CYLC2: variants seen among roughly 807,000 people sequenced by gnomAD.
CYLC2 encodes cylicin-2.
Under a neutral mutation model 26.1 loss-of-function variants are expected in CYLC2, and 30 were observed. The observed-to-expected ratio is 1.15, with a 90% CI of 0.86 to 1.56. The LOEUF is 1.56. CYLC2 is among the 40% of genes most tolerant of loss of function. CYLC2 has a pLI of 0.00. For synonymous variants in CYLC2, 158 were observed against 132.8 expected, an observed-to-expected ratio of 1.19 and a Z score of -1.31; for missense variants, 498 against 394.4, an observed-to-expected ratio of 1.26 and a Z score of -2.23.
intron 6 of CYLC2, among the ~76,000 whole-genome samples, chr9:103,013,166 A>ATAAATATATATTTAATATATTATG (rs1829429401): frequency 1.5e-5 from 2 of 135,956 alleles, no homozygotes; most frequent in Non-Finnish European, 3.1e-5. Context: ...TATATATTAT[A>ATAAATATATATTTAATATATTATG]TAAATATATA....
In CYLC2 at chr9:103,018,431, G is replaced by A. The variant is rs944450878; in HGVS notation, c.*997G>A. 2.6e-5 allele frequency: 4 copies of A among 151,776 alleles called. No individual in the cohort carries two copies. The highest frequency in any genetic ancestry group is 7.3e-5 in the African/African-American group (3 of 41,358). 9.4% of individuals were successfully genotyped at this position (151,776 alleles called of 1,614,324 possible). On this transcript the variant is annotated 3_prime_UTR_variant, in exon 8 of 8. Coordinates refer to ENST00000374798, the MANE Select transcript of CYLC2 (RefSeq NM_001340.5). Reference sequence around the variant, plus strand: ...AAAGTTGCTTGACAGCTCTAATTACGAATTGAACACATTAAACACCTGGTG... The same window carrying A: ...AAAGTTGCTTGACAGCTCTAATTACAAATTGAACACATTAAACACCTGGTG...
intron 6 of CYLC2, among the ~76,000 whole-genome samples, chr9:103,012,403 A>G (rs528507669): frequency 6.6e-6 from 1 of 152,062 alleles, no homozygotes; most frequent in Non-Finnish European, 1.5e-5. Context: ...CAGATAAAAT[A>G]ATTCCGGTGT....
chr9:103,014,602 AGT>A (rs1829471155), intron 6 of CYLC2, among the ~76,000 whole-genome samples: 3 of 144,586 alleles, frequency 2.1e-5, no homozygotes, highest in Admixed American at 7.0e-5. Context: ...TATATTATGC[AGT>A]ATACATCATA....
At chr9:102,999,990 T>G (rs1378877220) in intron 1 of CYLC2, among the ~76,000 whole-genome samples, 2 of 151,852 alleles carry the variant, frequency 1.3e-5, no homozygotes, top group East Asian at 3.8e-4. Flanking sequence ...GAAACATACT[T>G]ACTCCTCCTC....
intron 6 of CYLC2, among the ~76,000 whole-genome samples, chr9:103,015,143 TA>T (rs1829484424): frequency 5.1e-5 from 2 of 39,270 alleles, no homozygotes; most frequent in African/African-American, 1.9e-4. Context: ...ACATAACATG[TA>T]TATCACGTGA....
chr9:103,000,620 T>A (rs1587850302), intron 1 of CYLC2, among the ~76,000 whole-genome samples: 1 of 152,162 alleles, frequency 6.6e-6, no homozygotes, highest in African/African-American at 2.4e-5. Context: ...TACAAATTTT[T>A]ATAGCACGAA....
chr9:103,008,747 T>A (rs779783474), intron 5 of CYLC2, among the ~76,000 whole-genome samples: 18 of 152,186 alleles, frequency 1.2e-4, no homozygotes, highest in Non-Finnish European at 2.2e-4. Flanking sequence ...TCATTACATT[T>A]CTACCACTTC....
intron 6 of CYLC2, among the ~76,000 whole-genome samples, chr9:103,013,516 T>C (rs1183175003): frequency 1.8e-5 from 2 of 112,082 alleles, no homozygotes; most frequent in South Asian, 2.8e-4. Context: ...TTGTAAGAAA[T>C]AAATTATATT....
At position 103,005,683 on chromosome 9, in the gene CYLC2, T is replaced by G. The variant is rs936070852; in HGVS notation, c.*5T>G. 1.3e-6 allele frequency: 2 copies of G among 1,596,762 alleles called. No individual in the cohort carries two copies. Among genetic ancestry groups the G allele is most frequent in the Admixed American group, 3.6e-5 (2 of 56,014 alleles). On this transcript the variant is annotated 3_prime_UTR_variant, in exon 5 of 8. Transcript: ENST00000374798. The stretch of plus-strand genomic sequence containing the variant: ...GCAAAGAAGAAGGGCAAGTAGGCCT[T>G]GGATAAGAATTTGAACCGAAAGAAT...
chr9:103,007,049 TAAATA>T (rs980292594), intron 5 of CYLC2, among the ~76,000 whole-genome samples: 8 of 152,126 alleles, frequency 5.3e-5, no homozygotes, highest in African/African-American at 1.7e-4. Context: ...CTGATCAAAT[TAAATA>T]AATTTAAAAT....
In CYLC2 at chr9:103,000,871, A is replaced by G. The variant is rs1047086755; in HGVS notation, c.18-707A>G. Among the ~76,000 whole-genome samples, 8 of 152,116 alleles carry G rather than the reference A, an allele frequency of 5.3e-5. No individual in the cohort carries two copies. In the East Asian group the frequency reaches 9.6e-4, roughly 18 times the overall value. On this transcript the variant is annotated intron_variant, in intron 1 of 7. Transcript: ENST00000374798. ...ATCTTAGGATTGGTCTCCATCACCA[A>G]TAAATAAAAATTAGATCGTAAAACA...
intron 5 of CYLC2, chr9:103,010,554 C>G (rs1402407090): frequency 6.6e-6 from 1 of 152,050 alleles, no homozygotes; most frequent in Admixed American, 6.6e-5. Flanking sequence ...AACGTTTAGA[C>G]TGTGGTTATG....
chr9:103,000,952 A>C (rs1388053081), intron 1 of CYLC2, among the ~76,000 whole-genome samples: 1 of 151,868 alleles, frequency 6.6e-6, no homozygotes, highest in African/African-American at 2.4e-5. Flanking sequence ...GGAACCTACA[A>C]ATGGAAAACA....
chr9:103,005,034 A>T lies in CYLC2; in HGVS notation c.403A>T (p.Lys135Ter), dbSNP rs760569040. Residue 135 changes from lysine to a stop codon, truncating the protein, a stop_gained, in exon 5 of 8, where the codon AAA (lysine) becomes TAA (stop). Transcript: ENST00000374798. LOFTEE classifies it high-confidence loss of function. ...CACAACAGATTCGGAATCAGAATTA[A>T]AACAAGGAAAAAAAGATTCAAAGAA... ...KDTTDSESELKQGKKDSKKGK... is the reference protein window; with the variant it reads ...KDTTDSESEL 1.2e-5 allele frequency: 19 copies of T among 1,597,894 alleles called. No homozygotes were observed. The highest frequency in any genetic ancestry group is 1.5e-5 in the Non-Finnish European group (18 of 1,176,086).
chr9:102,996,945 G>T (rs369694231), intron 1 of CYLC2, among the ~76,000 whole-genome samples: 3 of 151,980 alleles, frequency 2.0e-5, no homozygotes, highest in African/African-American at 7.2e-5. Flanking sequence ...TTCTGAAACA[G>T]GTAGGAGAGG....
At chr9:103,014,690 A>AT in intron 6 of CYLC2, among the ~76,000 whole-genome samples, 4 of 130,226 alleles carry the variant, frequency 3.1e-5, no homozygotes, top group African/African-American at 1.1e-4. Context: ...ATACATATGT[A>AT]ATATACGTAT....
intron 6 of CYLC2, among the ~76,000 whole-genome samples, chr9:103,014,360 ACAT>A (rs1829462326): frequency 7.3e-6 from 1 of 137,430 alleles, no homozygotes; most frequent in African/African-American, 2.6e-5. Flanking sequence ...ACCTAATATT[ACAT>A]AATATACATT....
chr9:103,003,030 A>G (rs1829303723), intron 2 of CYLC2, 112 bp from the exon 3 acceptor site: 1 of 1,208,360 alleles, frequency 8.3e-7, no homozygotes, highest in East Asian at 2.4e-5. Context: ...TGAAGTCATA[A>G]TTTGAATCAC....
intron 1 of CYLC2, among the ~76,000 whole-genome samples, chr9:102,999,606 A>T (rs1829268629): frequency 6.6e-6 from 1 of 151,336 alleles, no homozygotes; most frequent in Non-Finnish European, 1.5e-5. Context: ...AACAGGCATT[A>T]TCTAGATGTA....
Sources: allele counts gnomAD v4.1 joint callset (sites outside exome capture counted in the v4.1 genomes callset), GRCh38; gene constraint gnomAD v4.1.1; transcripts MANE v1.5; gene names NCBI Gene and HGNC (gene_info 2026-07-23, HGNC 2026-07-21).